The following ANO1 variants were observed in gnomAD, a reference collection of about 807,000 sequenced individuals.
ANO1 encodes anoctamin-1.
A neutral mutation model predicts 124.0 loss-of-function variants in ANO1; 59 were observed. The observed-to-expected ratio is 0.48, with a 90% CI of 0.39 to 0.59. The LOEUF is 0.59. Ranked by LOEUF, ANO1 falls within the 20% of genes least tolerant of loss-of-function variation. The pLI, the probability that ANO1 is intolerant of heterozygous loss-of-function variation, is 0.00. For synonymous variants in ANO1, 529 were observed against 532.0 expected (o/e 0.99, Z 0.08); for missense variants, 1,059 against 1,328.0 (o/e 0.80, Z 3.15).
At chr11:70,153,834 C>T (rs538746041) in intron 14 of ANO1, among the ~76,000 whole-genome samples, 1 of 152,158 alleles carries the variant, frequency 6.6e-6, no homozygotes, top group South Asian at 2.1e-4. Flanking sequence ...GGCATGATCT[C>T]GGCTCACTGC....
rs1591055949 is a variant in ANO1, at chr11:70,048,111, T to C, written c.59-30431T>C. ...TTTCCGTTTTATGAGATATTATTTT[T>C]GTCTTCCATTTGCACTCAAAGTAAA... On this transcript the variant is annotated intron_variant, in intron 1 of 27. Coordinates refer to the ANO1 transcript ENST00000531349. 3.9e-5 allele frequency among the ~76,000 whole-genome samples: 6 copies of C among 152,378 alleles called. No homozygotes were observed. The South Asian group carries it at 1.2e-3, about 32-fold the overall frequency.
intron 1 of ANO1, among the ~76,000 whole-genome samples, chr11:70,022,777 T>C (rs1375774022): frequency 3.3e-5 from 5 of 152,142 alleles, no homozygotes; most frequent in African/African-American, 1.2e-4. Context: ...ATCTCTTTTA[T>C]TACACTTCAA....
intron 22 of ANO1, among the ~76,000 whole-genome samples, chr11:70,172,132 A>AAAAAGAAAAG (rs1555052149): frequency 2.1e-5 from 3 of 141,658 alleles, no homozygotes; most frequent in Admixed American, 7.3e-5. Flanking sequence ...AAAAAAAAAA[A>AAAAAGAAAAG]AAAAGAAAAG....
chr11:70,153,812 A>G (rs1424030995), intron 14 of ANO1, among the ~76,000 whole-genome samples: 1 of 151,850 alleles, frequency 6.6e-6, no homozygotes, highest in African/African-American at 2.4e-5. Flanking sequence ...GTCGCTCAGG[A>G]TGGACTGCAA....
At chr11:70,144,904 G>A (rs566369568) in intron 11 of ANO1, among the ~76,000 whole-genome samples, 19 of 152,306 alleles carry the variant, frequency 1.2e-4, no homozygotes, top group South Asian at 4.1e-4. Context: ...AATGGAGTGC[G>A]TCGTCCCTGC....
At chr11:70,076,645 A>G (rs2044061803), upstream of ANO1, among the ~76,000 whole-genome samples, 1 of 152,250 alleles carries the variant, frequency 6.6e-6, no homozygotes, top group East Asian at 1.9e-4. Context: ...GAGGCTGTGG[A>G]GCACTGTTCC....
At chr11:70,139,292 C>T (rs147809399) in intron 11 of ANO1, among the ~76,000 whole-genome samples, 1,667 of 150,362 alleles carry the variant, frequency 0.011, 37 homozygotes, top group African/African-American at 0.038. Context: ...GAGTAGCTGG[C>T]ATTACAGGCA....
At chr11:70,030,890 G>A (rs2135028754) in intron 1 of ANO1, among the ~76,000 whole-genome samples, 1 of 152,302 alleles carries the variant, frequency 6.6e-6, no homozygotes, top group African/African-American at 2.4e-5. Context: ...CGTTTTAATT[G>A]ACAAACTGTG....
intron 1 of ANO1, 23 bp from the exon 2 acceptor site, chr11:70,087,729 G>A (rs745522571): frequency 6.4e-7 from 1 of 1,558,832 alleles, no homozygotes. Context: ...ATGGTGAATG[G>A]GTGTCTTTTC....
chr11:70,072,838 TC>T (rs1279944923), intron 1 of ANO1: 3 of 152,344 alleles, frequency 2.0e-5, no homozygotes, highest in African/African-American at 7.2e-5. Context: ...CCAACCTATG[TC>T]CCAGCTCCAC....
intron 8 of ANO1, among the ~76,000 whole-genome samples, chr11:70,122,754 C>T (rs112205316): frequency 1.8e-4 from 27 of 152,046 alleles, no homozygotes; most frequent in East Asian, 7.7e-4. Flanking sequence ...TCTCTGTCTC[C>T]CCCCTTCCTC....
intron 16 of ANO1, 95 bp from the exon 17 acceptor site, chr11:70,161,066 G>A: frequency 8.5e-7 from 1 of 1,178,088 alleles, no homozygotes. Flanking sequence ...AGAGCGGGAA[G>A]GTTGGGGGAC....
intron 11 of ANO1, among the ~76,000 whole-genome samples, chr11:70,145,533 G>A (rs181243255): frequency 6.0e-4 from 89 of 148,568 alleles, no homozygotes; most frequent in Middle Eastern, 3.5e-3. Flanking sequence ...ACCCCCAGCC[G>A]CCAGGTTACA....
At chr11:69,966,009 G>T in the ANO1 span, among the ~76,000 whole-genome samples, 1 of 151,924 alleles carries the variant, frequency 6.6e-6, no homozygotes, top group African/African-American at 2.4e-5. Context: ...GCCCTGCCAC[G>T]CTGCTTCATG....
chr11:70,161,549 A>G, intron 17 of ANO1, 73 bp from the exon 18 acceptor site: 2 of 1,532,774 alleles, frequency 1.3e-6, no homozygotes, highest in Non-Finnish European at 9.0e-7. Flanking sequence ...GCCAGTGGCC[A>G]GCCAGAAGCT....
intron 8 of ANO1, among the ~76,000 whole-genome samples, chr11:70,117,268 G>A (rs546813739): frequency 2.0e-5 from 3 of 151,736 alleles, no homozygotes; most frequent in Non-Finnish European, 4.4e-5. Context: ...ACGGGCTTTC[G>A]CCATGTTGGC....
intron 1 of ANO1, among the ~76,000 whole-genome samples, chr11:70,050,999 C>T (rs1364044002): frequency 2.0e-5 from 3 of 152,226 alleles, no homozygotes; most frequent in African/African-American, 4.8e-5. Flanking sequence ...TTGCCATATG[C>T]ACTTTTTTAT....
At chr11:70,131,548 G>C (rs1415166808) in intron 10 of ANO1, among the ~76,000 whole-genome samples, 1 of 152,166 alleles carries the variant, frequency 6.6e-6, no homozygotes, top group East Asian at 1.9e-4. Flanking sequence ...GGCTGGTCTT[G>C]AACCCCTGAC....
intron 1 of ANO1, among the ~76,000 whole-genome samples, chr11:70,066,364 G>T (rs1190703204): frequency 2.0e-5 from 3 of 152,114 alleles, no homozygotes; most frequent in African/African-American, 7.2e-5. Context: ...CATCTCAACA[G>T]CCTGTCTTCT....
Sources: allele counts gnomAD v4.1 joint callset (sites outside exome capture counted in the v4.1 genomes callset), GRCh38; gene constraint gnomAD v4.1.1; transcripts MANE v1.5; gene names NCBI Gene and HGNC (gene_info 2026-07-23, HGNC 2026-07-21).